The following GAB1 variants were observed in gnomAD, a reference collection of about 807,000 sequenced individuals.
GAB1 encodes GRB2-associated-binding protein 1.
A neutral mutation model predicts 66.5 loss-of-function variants in GAB1; 19 were observed. The ratio of observed to expected loss-of-function variants is 0.29; its 90% CI spans 0.20 to 0.42. The LOEUF (loss-of-function observed/expected upper bound fraction) is 0.42, where lower values mean the gene tolerates loss of function less well. Ranked by LOEUF, GAB1 falls within the 10% of genes least tolerant of loss-of-function variation. The pLI, the probability that GAB1 is intolerant of heterozygous loss-of-function variation, is 1.00. For synonymous variants in GAB1, 294 were observed against 301.4 expected, an observed-to-expected ratio of 0.98 and a Z score of 0.25; for missense variants, 732 against 858.5, an observed-to-expected ratio of 0.85 and a Z score of 1.84.
intron 8 of GAB1, among the ~76,000 whole-genome samples, chr4:143,462,373 G>A (rs1434348390): frequency 6.6e-6 from 1 of 151,926 alleles, no homozygotes; most frequent in East Asian, 1.9e-4. Context: ...TTTTCTTATC[G>A]TAAAGTAATT....
intron 6 of GAB1, among the ~76,000 whole-genome samples, chr4:143,440,657 A>G (rs1027711725): frequency 9.2e-5 from 14 of 152,198 alleles, no homozygotes; most frequent in African/African-American, 3.4e-4. Context: ...ACTGGGGAGA[A>G]TTAGAAGAAA....
chr4:143,437,940 T>TA, intron 3 of GAB1, 59 bp from the exon 4 acceptor site: 3 of 1,484,540 alleles, frequency 2.0e-6, no homozygotes, highest in Non-Finnish European at 2.7e-6. Context: ...AACATGTTTA[T>TA]AAAAAATGTA....
intron 2 of GAB1, among the ~76,000 whole-genome samples, chr4:143,429,513 T>C (rs939325833): frequency 6.6e-6 from 1 of 152,198 alleles, no homozygotes; most frequent in African/African-American, 2.4e-5. Context: ...CTCAAATACT[T>C]GTGAGTTGGG....
intron 1 of GAB1, among the ~76,000 whole-genome samples, chr4:143,364,628 T>C (rs1232813824): frequency 1.3e-5 from 2 of 152,160 alleles, no homozygotes; most frequent in Admixed American, 6.6e-5. Context: ...TTTCCTGACA[T>C]AGGTGCAGCC....
chr4:143,367,848 C>T (rs895804169), intron 1 of GAB1, among the ~76,000 whole-genome samples: 4 of 151,752 alleles, frequency 2.6e-5, no homozygotes, highest in African/African-American at 9.7e-5. Context: ...CCTCAGCCCC[C>T]CAAGTAGCTG....
chr4:143,339,908 A>G (rs537212595), intron 1 of GAB1, among the ~76,000 whole-genome samples: 1 of 152,192 alleles, frequency 6.6e-6, no homozygotes, highest in Non-Finnish European at 1.5e-5. Context: ...CTGGTGTAGC[A>G]CTGGTGTTTT....
intron 1 of GAB1, among the ~76,000 whole-genome samples, chr4:143,400,920 G>A (rs1194885624): frequency 4.1e-5 from 6 of 147,004 alleles, no homozygotes; most frequent in African/African-American, 1.5e-4. Flanking sequence ...AGTGAGCTGA[G>A]ATCACACCAC....
At chr4:143,373,834 T>C (rs1730266514) in intron 1 of GAB1, among the ~76,000 whole-genome samples, 1 of 135,200 alleles carries the variant, frequency 7.4e-6, no homozygotes, top group Non-Finnish European at 1.6e-5. Context: ...TCTCTCTCTC[T>C]CTCTCTCTCT....
chr4:143,444,512 C>G (rs1464487719), intron 6 of GAB1, among the ~76,000 whole-genome samples: 1 of 152,128 alleles, frequency 6.6e-6, no homozygotes, highest in Non-Finnish European at 1.5e-5. Context: ...TCTTTTGGCA[C>G]AGTGATGGAT....
chr4:143,424,952 T>C, intron 2 of GAB1: 1 of 564,464 alleles, frequency 1.8e-6, no homozygotes, highest in Non-Finnish European at 3.0e-6. Context: ...AGACTCCGAC[T>C]TTAAAAAAAG....
At chr4:143,337,290 G>A in intron 1 of GAB1, 30 bp downstream of exon 1, 3 of 1,551,444 alleles carry the variant, frequency 1.9e-6, no homozygotes, top group South Asian at 2.4e-5. Context: ...CCACTCCGCG[G>A]GCCTCGGCGT....
intron 2 of GAB1, among the ~76,000 whole-genome samples, chr4:143,426,691 TA>T (rs766032534): frequency 2.0e-5 from 3 of 152,216 alleles, no homozygotes; most frequent in Non-Finnish European, 4.4e-5. Flanking sequence ...GAACCACAAT[TA>T]GAGATAAACT....
At chr4:143,398,550 C>T (rs1731578619) in intron 1 of GAB1, among the ~76,000 whole-genome samples, 1 of 151,996 alleles carries the variant, frequency 6.6e-6, no homozygotes, top group African/African-American at 2.4e-5. Context: ...ATATCCACTA[C>T]TTGTATCTCC....
Position 143,440,116 on chromosome 4 carries a change from G to T in GAB1, c.1319G>T (p.Ser440Ile), listed in dbSNP as rs1472037660. Residue 440 changes from serine to isoleucine, a missense_variant, in exon 6 of 10, where the codon AGT becomes ATT. By Grantham distance (142) the Ser-to-Ile change is moderately radical (BLOSUM62 -2). Around this residue, in one of 4 missense-constraint regions of GAB1, gnomAD observed 427 missense variants for 420.6 expected, o/e 1.02. Coordinates refer to ENST00000262994, the MANE Select transcript of GAB1 (RefSeq NM_002039.4). The part of the protein sequence containing the change: ...KNVLTVGSVS[S>I]EELDENYVPM... ...GTGTTGACAGTGGGAAGTGTTTCAA[G>T]TGAAGAACTGGATGAAAATTACGTC... is the stretch of plus-strand genomic sequence containing the variant. 1 of 1,614,048 alleles carries T rather than the reference G, an allele frequency of 6.2e-7. No individual in the cohort carries two copies. Among genetic ancestry groups the T allele is most frequent in the African/African-American group, 1.3e-5 (1 of 74,930 alleles).
In GAB1 at chr4:143,439,963, G is replaced by A. The variant is rs1472515017; in HGVS notation, c.1281+76G>A. The stretch of plus-strand genomic sequence containing the variant: ...TTCATAATTAGTGCCATGAGACTAA[G>A]TGATATCATGAAATAAAAGTACGCT... On this transcript the variant is annotated intron_variant, in intron 5 of 9. Transcript: ENST00000262994. 2.9e-6 allele frequency: 4 copies of A among 1,386,138 alleles called. No individual in the cohort carries two copies. The African/African-American group carries it at 4.3e-5, about 15-fold the overall frequency. The allele number at this position is 1,386,138 out of a possible 1,614,324, so 85.9% of individuals were successfully genotyped here. A position where few individuals can be genotyped will look rare whatever the true frequency, so the allele number is the denominator to read the frequency against.
Position 143,407,357 on chromosome 4 carries a change from A to G in GAB1, c.73-8120A>G, listed in dbSNP as rs1419622886. Among the ~76,000 whole-genome samples, 4 of 151,858 alleles carry G rather than the reference A, an allele frequency of 2.6e-5. No homozygotes were observed. In the East Asian group the frequency reaches 5.8e-4, roughly 22 times the overall value. ...TAGCAGTAATTTCAACAAGTAAATTATATGCACTATTACTGAGAATTCAAA... is the reference window on the plus strand; with the variant it reads ...TAGCAGTAATTTCAACAAGTAAATTGTATGCACTATTACTGAGAATTCAAA... On this transcript the variant is annotated intron_variant, in intron 1 of 9. Coordinates refer to ENST00000262994, the MANE Select transcript of GAB1 (RefSeq NM_002039.4).
intron 1 of GAB1, chr4:143,349,745 C>T (rs577201959): frequency 1.0e-5 from 16 of 1,587,930 alleles, no homozygotes; most frequent in East Asian, 6.7e-5. Flanking sequence ...ACACCCAGAC[C>T]GACGTGGCCA....
chr4:143,470,126 A>G lies in GAB1; in HGVS notation c.*937A>G, dbSNP rs1259794057. Reference sequence around the variant, plus strand: ...GGAATTAATAAAGCAGTTGACATTCACTGTTAGTTACAGCAACATACTGTG... The same window carrying G: ...GGAATTAATAAAGCAGTTGACATTCGCTGTTAGTTACAGCAACATACTGTG... On this transcript the variant is annotated 3_prime_UTR_variant, in exon 10 of 10. Coordinates refer to ENST00000262994, the MANE Select transcript of GAB1 (RefSeq NM_002039.4). 1 of 152,206 alleles carries G rather than the reference A, an allele frequency of 6.6e-6. No individual in the cohort carries two copies. The highest frequency in any genetic ancestry group is 2.4e-5 in the African/African-American group (1 of 41,432). 9.4% of individuals were successfully genotyped at this position (152,206 alleles called of 1,614,324 possible).
rs577976565 is a variant in GAB1 at position 143,467,046 on chromosome 4, C to T, written c.1926+821C>T. ...AATTTTCCCTCCACCTGAAATATAC[C>T]CTTTAGAAGTGCCTTTAGTGGAGGT... On this transcript the variant is annotated intron_variant, in intron 9 of 9. Transcript: ENST00000262994. Among the ~76,000 whole-genome samples the T allele has an allele frequency of 1.2e-4, 18 of 152,192 alleles. No homozygotes were observed. The East Asian group carries it at 3.3e-3, about 28-fold the overall frequency.
Sources: gnomAD v4.1 joint callset for allele counts (sites outside exome capture counted in the v4.1 genomes callset) on GRCh38, gnomAD v4.1.1 for gene constraint, gnomAD v4.1.1 regional missense constraint, MANE v1.5 for transcripts, NCBI Gene and HGNC (gene_info 2026-07-23, HGNC 2026-07-21) for gene names.